BABAM1: variants seen among roughly 807,000 people sequenced by gnomAD.
The protein encoded by BABAM1 is BRISC and BRCA1-A complex member 1.
A neutral mutation model predicts 34.4 loss-of-function variants in BABAM1; 14 were observed. That is an observed-to-expected ratio of 0.41 (90% confidence interval 0.27 to 0.64). The LOEUF is 0.64. Ranked by LOEUF, BABAM1 falls within the 30% of genes least tolerant of loss-of-function variation. The probability of loss-of-function intolerance (pLI) is 0.34; values close to 1 mark genes in which losing one functional copy is unlikely to be tolerated. For missense variants in BABAM1, 393 were observed against 434.0 expected (o/e 0.91, Z 0.84); for synonymous variants, 169 against 165.8 (o/e 1.02, Z -0.15).
At chr19:17,276,432 G>A in intron 6 of BABAM1, 63 bp from the exon 7 acceptor site, 1 of 1,554,218 alleles carries the variant, frequency 6.4e-7, no homozygotes, top group South Asian at 1.2e-5. Context: ...GTCTCTCTCA[G>A]GGTGATAAGA....
chr19:17,276,405 C>T, intron 6 of BABAM1, 90 bp from the exon 7 acceptor site: 3 of 1,536,578 alleles, frequency 2.0e-6, no homozygotes, highest in Non-Finnish European at 2.6e-6. Context: ...GCCTCACCTG[C>T]CCGGTGAGCA....
intron 8 of BABAM1, 48 bp from the exon 9 acceptor site, chr19:17,278,797 G>GTAAC: frequency 1.9e-6 from 3 of 1,546,384 alleles, no homozygotes; most frequent in Non-Finnish European, 2.6e-6. Flanking sequence ...GCCTGTTGGG[G>GTAAC]TAACCTCTGC....
Position 17,276,904 on chromosome 19 carries a change from T to C in BABAM1, c.781T>C (p.Trp261Arg). ...TGAGGAGAAGGAGGAGGAGATGAGT[T>C]GGAAGGTGAGAGGCTGCAGCAGGTG... ...GTEEKEEEMS[W>R]KDMFAFMGSL... Residue 261 changes from tryptophan to arginine, a missense_variant, in exon 8 of 9, where the codon TGG (tryptophan) becomes CGG (arginine). Physicochemically the swap from Trp to Arg is moderately radical, Grantham distance 101. Transcript: ENST00000598188. The C allele has an allele frequency of 6.3e-7, 1 of 1,595,924 alleles. No individual in the cohort carries two copies. Among genetic ancestry groups the C allele is most frequent in the African/African-American group, 1.3e-5 (1 of 74,712 alleles).
chr19:17,279,244 T>C lies in BABAM1; in HGVS notation c.*196T>C. On this transcript the variant is annotated 3_prime_UTR_variant, in exon 9 of 9. Coordinates refer to ENST00000598188, the MANE Select transcript of BABAM1 (RefSeq NM_014173.4). Reference sequence around the variant, plus strand: ...ACTGTGGGCACCCATTTTCTGTGTCTCCCAGCCCATTTCCACTCCTAGTTT... The same window carrying C: ...ACTGTGGGCACCCATTTTCTGTGTCCCCCAGCCCATTTCCACTCCTAGTTT... The C allele has an allele frequency of 1.8e-6, 1 of 542,342 alleles. No individual in the cohort carries two copies. Among genetic ancestry groups the C allele is most frequent in the South Asian group, 2.9e-5 (1 of 33,988 alleles). The allele number at this position is 542,342 out of a possible 1,614,324, so 33.6% of individuals were successfully genotyped here. A position where few individuals can be genotyped will look rare whatever the true frequency, so the allele number is the denominator to read the frequency against.
chr19:17,269,348 C>CT (rs71334696), intron 2 of BABAM1, among the ~76,000 whole-genome samples: 26,119 of 123,022 alleles, frequency 0.21, 3,517 homozygotes, highest in African/African-American at 0.26. Flanking sequence ...TTTTGTCTGT[C>CT]TTTTTTTTTT....
At chr19:17,270,850 G>A (rs2145612866) in intron 2 of BABAM1, among the ~76,000 whole-genome samples, 1 of 152,046 alleles carries the variant, frequency 6.6e-6, no homozygotes, top group East Asian at 1.9e-4. Context: ...ACCACGCCTG[G>A]CTAATTTTTT....
chr19:17,273,559 G>GTTTTTTT (rs1252906493), intron 3 of BABAM1, among the ~76,000 whole-genome samples: 856 of 24,406 alleles, frequency 0.035, 10 homozygotes, highest in Non-Finnish European at 0.059. Flanking sequence ...TTTTTTGTTT[G>GTTTTTTT]TTTTGTTTTT....
rs758764233 is a variant in BABAM1, at chr19:17,278,929, T to C, written c.871T>C (p.Leu291=). ...GGCACTGGCTGGGCCAGCCCTGGAG[T>C]TGCACAACTGCATGGCGAAACTGTT... ...EVALAGPALE[L]HNCMAKLLAH... is the part of the protein sequence containing the mutation. The change falls in exon 9 of 9, where the codon TTG becomes CTG. Residue 291 remains leucine, a synonymous_variant. Coordinates refer to ENST00000598188, the MANE Select transcript of BABAM1 (RefSeq NM_014173.4). 6.2e-7 allele frequency: 1 copy of C among 1,613,144 alleles called. No individual in the cohort carries two copies. The highest frequency in any genetic ancestry group is 1.7e-5 in the Admixed American group (1 of 59,944).
At chr19:17,277,151 T>G in intron 8 of BABAM1, 8 of 428,004 alleles carry the variant, frequency 1.9e-5, no homozygotes, top group East Asian at 1.2e-4. Context: ...ATCTCCAACG[T>G]TCCCTGCGTT....
intron 5 of BABAM1, 96 bp downstream of exon 5, chr19:17,274,281 G>A (rs2073882352): frequency 6.8e-7 from 1 of 1,469,494 alleles, no homozygotes; most frequent in Admixed American, 1.7e-5. Context: ...CTGGCTGGCT[G>A]AGGTTCAGAT....
Position 17,279,130 on chromosome 19 carries a change from C to A in BABAM1, c.*82C>A. ...GGTTCTCAAACTGGGTTCCTTGGGA[C>A]CTCCGGGGTGGGGGGGTTCCAGGAG... On this transcript the variant is annotated 3_prime_UTR_variant, in exon 9 of 9. Coordinates refer to ENST00000598188, the MANE Select transcript of BABAM1 (RefSeq NM_014173.4). 1 of 1,448,078 alleles carries A rather than the reference C, an allele frequency of 6.9e-7. No homozygotes were observed. The highest frequency in any genetic ancestry group is 9.3e-7 in the Non-Finnish European group (1 of 1,069,588). The allele number at this position is 1,448,078 out of a possible 1,614,324, so 89.7% of individuals were successfully genotyped here.
intron 1 of BABAM1, 41 bp from the exon 2 acceptor site, chr19:17,268,753 A>T: frequency 1.3e-6 from 2 of 1,519,332 alleles, no homozygotes; most frequent in South Asian, 2.6e-5. Context: ...TTAAAACTCC[A>T]AGGGGAGGAT....
At chr19:17,267,711 G>T (rs530837770) in intron 1 of BABAM1, among the ~76,000 whole-genome samples, 184 bp downstream of exon 1, 1 of 152,234 alleles carries the variant, frequency 6.6e-6, no homozygotes, top group South Asian at 2.1e-4. Flanking sequence ...ACTGCAAGGC[G>T]CTCAAAGACC....
Position 17,276,615 on chromosome 19 carries a change from G to A in BABAM1, c.690G>A (p.Glu230=). 2 of 1,604,222 alleles carry A rather than the reference G, an allele frequency of 1.2e-6. No individual in the cohort carries two copies. Among genetic ancestry groups the A allele is most frequent in the Non-Finnish European group, 1.7e-6 (2 of 1,175,576 alleles). ...GCCAGCCCCAGTTCTCCTTGACGGA[G>A]CCCATGAAGGTGGGTGAGGCCTGGG... ...PPCQPQFSLT[E]PMKKMFQCPY... The change falls in exon 7 of 9, where the codon GAG becomes GAA. Residue 230 remains glutamate (E), a synonymous_variant. Transcript: ENST00000598188.
At chr19:17,267,924 T>C (rs1449662915) in intron 1 of BABAM1, among the ~76,000 whole-genome samples, 1 of 152,102 alleles carries the variant, frequency 6.6e-6, no homozygotes, top group African/African-American at 2.4e-5. Context: ...CTACTCAATC[T>C]GGCTTAAGGA....
chr19:17,276,494 G>A lies in BABAM1; in HGVS notation c.570-1G>A. On this transcript the variant is annotated splice_acceptor_variant, in intron 6 of 8. Coordinates refer to ENST00000598188, the MANE Select transcript of BABAM1 (RefSeq NM_014173.4). LOFTEE classifies it high-confidence loss of function. ...ACTGCTCCCTCCTCCCGGGTATGCA[G>A]CCAGCAGAAAACTGAGCTTCCGGTC... 6.3e-7 allele frequency: 1 copy of A among 1,591,552 alleles called. No individual in the cohort carries two copies. Among genetic ancestry groups the A allele is most frequent in the African/African-American group, 1.3e-5 (1 of 74,332 alleles).
chr19:17,277,865 C>T (rs1346703140), intron 8 of BABAM1, among the ~76,000 whole-genome samples: 4 of 151,842 alleles, frequency 2.6e-5, no homozygotes, highest in Non-Finnish European at 4.4e-5. Context: ...GGTGACAGGG[C>T]GGAGACCCTG....
At position 17,268,859 on chromosome 19, in the gene BABAM1, A is replaced by G; in HGVS notation, c.53A>G (p.Glu18Gly). Reference sequence around the variant, plus strand: ...ACTGAAGAGGAGGAGGAGGAAGAGGAGCACTCGGCAGAGCCTCGGCCCCGC... The same window carrying G: ...ACTGAAGAGGAGGAGGAGGAAGAGGGGCACTCGGCAGAGCCTCGGCCCCGC... ...SPTEEEEEEE[E>G]HSAEPRPRTR... The change falls in exon 2 of 9, where the codon GAG (glutamate) becomes GGG (glycine). Residue 18 changes from glutamate (E) to glycine (G), a missense_variant. By Grantham distance (98) the Glu-to-Gly change is moderately conservative. Coordinates refer to ENST00000598188, the MANE Select transcript of BABAM1 (RefSeq NM_014173.4). 1 of 1,608,280 alleles carries G rather than the reference A, an allele frequency of 6.2e-7. No individual in the cohort carries two copies. The highest frequency in any genetic ancestry group is 8.5e-7 in the Non-Finnish European group (1 of 1,177,662).
chr19:17,274,570 T>TAA, intron 5 of BABAM1: 1 of 170,962 alleles, frequency 5.8e-6, no homozygotes, highest in Non-Finnish European at 1.2e-5. Flanking sequence ...TCCGTCTTTT[T>TAA]TAAAAAAAAA....
Sources: allele counts gnomAD v4.1 joint callset (sites outside exome capture counted in the v4.1 genomes callset), GRCh38; gene constraint gnomAD v4.1.1; transcripts MANE v1.5; gene names NCBI Gene and HGNC (gene_info 2026-07-23, HGNC 2026-07-21).